GABRA4: variants seen among roughly 807,000 people sequenced by gnomAD.
GABRA4 encodes gamma-aminobutyric acid receptor subunit alpha-4.
A neutral mutation model predicts 49.7 loss-of-function variants in GABRA4; 12 were observed. The ratio of observed to expected loss-of-function variants is 0.24; its 90% CI spans 0.15 to 0.39. The LOEUF is 0.39. GABRA4 is among the 10% of genes least tolerant of loss of function. The pLI, the probability that GABRA4 is intolerant of heterozygous loss-of-function variation, is 1.00. For missense variants in GABRA4, 506 were observed against 686.0 expected, an observed-to-expected ratio of 0.74 and a Z score of 2.93; for synonymous variants, 288 against 240.2, an observed-to-expected ratio of 1.20 and a Z score of -1.84.
At chr4:46,975,418 T>C (rs761109805) in intron 5 of GABRA4, among the ~76,000 whole-genome samples, 13 of 152,020 alleles carry the variant, frequency 8.6e-5, no homozygotes, top group Non-Finnish European at 1.6e-4. Context: ...TTGTCTATGA[T>C]ATTGCAAATT....
intron 2 of GABRA4, among the ~76,000 whole-genome samples, chr4:46,984,487 AT>A (rs1238372830): frequency 2.0e-5 from 3 of 152,046 alleles, no homozygotes; most frequent in Non-Finnish European, 4.4e-5. Flanking sequence ...AGTTTCTTTC[AT>A]TTAGAAGTCA....
At position 46,928,224 on chromosome 4, in the gene GABRA4, A is replaced by AT. The variant is rs1166143662; in HGVS notation, c.1665dup. On this transcript the variant is annotated 3_prime_UTR_variant, in exon 9 of 9. Coordinates refer to ENST00000264318, the MANE Select transcript of GABRA4 (RefSeq NM_000809.4). ...TTTAGCAAACTACTATAGCAACGAA[A>AT]TTACATTAGACTTTCTGATTTCTCC... is the stretch of plus-strand genomic sequence containing the variant. 6.3e-7 allele frequency: 1 copy of AT among 1,596,598 alleles called. No individual in the cohort carries two copies. Among genetic ancestry groups the AT allele is most frequent in the East Asian group, 2.2e-5 (1 of 44,636 alleles).
chr4:46,968,294 T>G (rs939468932), intron 7 of GABRA4, among the ~76,000 whole-genome samples: 3 of 151,566 alleles, frequency 2.0e-5, no homozygotes, highest in Non-Finnish European at 3.0e-5. Flanking sequence ...CTTTGAAGAC[T>G]TAATTACAGA....
At chr4:46,962,283 C>T (rs924222459) in intron 8 of GABRA4, among the ~76,000 whole-genome samples, 2 of 150,194 alleles carry the variant, frequency 1.3e-5, no homozygotes, top group Non-Finnish European at 3.0e-5. Context: ...AATTAATATA[C>T]AAAAATCAGT....
At position 46,929,214 on chromosome 4, in the gene GABRA4, A is replaced by G. The variant is rs140028508; in HGVS notation, c.1135-459T>C. The stretch of plus-strand genomic sequence containing the variant: ...ACCTAGTCATGTACACAGAATATCA[A>G]CAATAACAACTATCCATACGTACCT... On this transcript the variant is annotated intron_variant, in intron 8 of 8. Transcript: ENST00000264318. Among the ~76,000 whole-genome samples, 5 of 152,114 alleles carry G rather than the reference A, an allele frequency of 3.3e-5. No homozygotes were observed. The East Asian group carries it at 9.6e-4, about 29-fold the overall frequency.
intron 5 of GABRA4, among the ~76,000 whole-genome samples, chr4:46,975,415 T>C (rs1723105348): frequency 6.6e-6 from 1 of 152,006 alleles, no homozygotes; most frequent in Admixed American, 6.6e-5. Flanking sequence ...TTCTTGTCTA[T>C]GATATTGCAA....
At chr4:46,950,671 A>G (rs1400844667) in intron 8 of GABRA4, among the ~76,000 whole-genome samples, 1 of 151,026 alleles carries the variant, frequency 6.6e-6, no homozygotes, top group Non-Finnish European at 1.5e-5. Context: ...GCTTCCACTT[A>G]TCATTGCCCT....
Position 46,977,587 on chromosome 4 carries a change from T to C in GABRA4, c.317A>G (p.Lys106Arg), listed in dbSNP as rs749885763. ...AATGGGGCCGTCATATTTTAATCTT[T>C]TGTCAATCCATGTCTGCCTGAAGAA... The part of the protein sequence containing the change: ...DVFFRQTWID[K>R]RLKYDGPIEI... Residue 106 changes from lysine to arginine, a missense_variant, in exon 4 of 9, where the codon AAA (lysine) becomes AGA (arginine). Lys to Arg is a conservative substitution (Grantham distance 26). Transcript: ENST00000264318. 2 of 1,613,096 alleles carry C rather than the reference T, an allele frequency of 1.2e-6. No homozygotes were observed. The highest frequency in any genetic ancestry group is 1.7e-6 in the Non-Finnish European group (2 of 1,179,438).
At chr4:46,989,731 C>A (rs1723677009) in intron 2 of GABRA4, among the ~76,000 whole-genome samples, 2 of 152,252 alleles carry the variant, frequency 1.3e-5, no homozygotes, top group East Asian at 1.9e-4. Flanking sequence ...TGGAACACAG[C>A]AAAGTTGTAT....
intron 8 of GABRA4, among the ~76,000 whole-genome samples, chr4:46,958,814 T>C (rs185628556): frequency 2.0e-5 from 3 of 152,030 alleles, no homozygotes; most frequent in African/African-American, 7.2e-5. Context: ...CAACAGTCCA[T>C]AGGTCACATA....
intron 3 of GABRA4, among the ~76,000 whole-genome samples, chr4:46,977,934 A>T (rs956017958): frequency 1.3e-5 from 2 of 152,100 alleles, no homozygotes; most frequent in East Asian, 1.9e-4. Flanking sequence ...AGGTAGTTAC[A>T]ATTGTGTTTT....
In GABRA4 at chr4:46,920,784, T is replaced by C. The variant is rs551903108; in HGVS notation, c.*7441A>G. 7 of 151,940 alleles carry C rather than the reference T, an allele frequency of 4.6e-5. No homozygotes were observed. The South Asian group carries it at 1.4e-3, about 31-fold the overall frequency. The allele number at this position is 151,940 out of a possible 1,614,324, so 9.4% of individuals were successfully genotyped here. A position where few individuals can be genotyped will look rare whatever the true frequency, so the allele number is the denominator to read the frequency against. On this transcript the variant is annotated 3_prime_UTR_variant, in exon 9 of 9. Transcript: ENST00000264318. ...ATGAAAAGTTTGTTTTACTGAAAACTAGATGAAATGTATACAGTAGAAAAA... is the reference window on the plus strand; with the variant it reads ...ATGAAAAGTTTGTTTTACTGAAAACCAGATGAAATGTATACAGTAGAAAAA...
chr4:46,942,445 C>A (rs1441799130), intron 8 of GABRA4, among the ~76,000 whole-genome samples: 1 of 151,950 alleles, frequency 6.6e-6, no homozygotes, highest in Non-Finnish European at 1.5e-5. Flanking sequence ...CACAGTGAAA[C>A]CCCATCTCTA....
chr4:46,958,049 A>G (rs1408005189), intron 8 of GABRA4, among the ~76,000 whole-genome samples: 3 of 151,974 alleles, frequency 2.0e-5, no homozygotes, highest in African/African-American at 7.2e-5. Flanking sequence ...ATTTATATGT[A>G]TATAAAATAC....
chr4:46,944,669 C>A (rs550425034), intron 8 of GABRA4, among the ~76,000 whole-genome samples: 11 of 152,158 alleles, frequency 7.2e-5, no homozygotes, highest in African/African-American at 2.6e-4. Context: ...TCTTCTTTAC[C>A]TCCCTTTTAT....
chr4:46,979,267 C>T (rs1483914815), intron 2 of GABRA4, among the ~76,000 whole-genome samples, 169 bp from the exon 3 acceptor site: 1 of 152,004 alleles, frequency 6.6e-6, no homozygotes, highest in Non-Finnish European at 1.5e-5. Flanking sequence ...GACCAAAGCG[C>T]AACAAGACCA....
At chr4:46,986,898 A>G (rs1391171161) in intron 2 of GABRA4, among the ~76,000 whole-genome samples, 6 of 152,118 alleles carry the variant, frequency 3.9e-5, no homozygotes, top group Admixed American at 3.9e-4. Flanking sequence ...TAATTTCAAA[A>G]TATCCAGAAG....
intron 8 of GABRA4, among the ~76,000 whole-genome samples, chr4:46,962,054 C>A (rs1722595299): frequency 6.6e-6 from 1 of 151,858 alleles, no homozygotes; most frequent in Admixed American, 6.6e-5. Context: ...AGATCTATCC[C>A]TTCAGGTCGA....
intron 8 of GABRA4, among the ~76,000 whole-genome samples, chr4:46,943,892 T>C (rs947420090): frequency 6.6e-6 from 1 of 152,104 alleles, no homozygotes; most frequent in Non-Finnish European, 1.5e-5. Context: ...AGTCAGGGCT[T>C]TTAGGGTATC....
Sources: gnomAD v4.1 joint callset for allele counts (sites outside exome capture counted in the v4.1 genomes callset) on GRCh38, gnomAD v4.1.1 for gene constraint, MANE v1.5 for transcripts, NCBI Gene and HGNC (gene_info 2026-07-23, HGNC 2026-07-21) for gene names.